Variants in PCDHGA7 observed in about 807,000 individuals in gnomAD.
PCDHGA7 encodes protocadherin gamma subfamily A, 7.
Under a neutral mutation model 58.3 loss-of-function variants are expected in PCDHGA7, and 44 were observed. The ratio of observed to expected loss-of-function variants is 0.75; its 90% confidence interval spans 0.59 to 0.97. PCDHGA7 has a LOEUF of 0.97. Ranked by LOEUF, PCDHGA7 falls within the 50% of genes least tolerant of loss-of-function variation. The pLI is 0.00. For missense variants in PCDHGA7, 1,266 were observed against 1,188.7 expected, an observed-to-expected ratio of 1.06 and a Z score of -0.96; for synonymous variants, 516 against 504.2, an observed-to-expected ratio of 1.02 and a Z score of -0.31.
At chr5:141,438,591 C>CATATATATATATATATATAT (rs946798767) in intron 1 of PCDHGA7, among the ~76,000 whole-genome samples, 1 of 75,562 alleles carries the variant, frequency 1.3e-5, no homozygotes, top group Non-Finnish European at 2.7e-5. Context: ...TACATACATA[C>CATATATATATATATATATAT]ATATATATAT....
intron 2 of PCDHGA7, among the ~76,000 whole-genome samples, chr5:141,500,399 C>T (rs966328306): frequency 1.3e-5 from 2 of 151,806 alleles, no homozygotes; most frequent in South Asian, 2.1e-4. Context: ...TTAGTAGAGA[C>T]GGGGTTTCAC....
intron 1 of PCDHGA7, chr5:141,392,138 G>C (rs1212519982): frequency 6.6e-6 from 1 of 152,142 alleles, no homozygotes; most frequent in Non-Finnish European, 1.5e-5. Context: ...TGATTAAGTA[G>C]TTTAAACCAA....
intron 1 of PCDHGA7, among the ~76,000 whole-genome samples, chr5:141,463,191 C>T (rs2099054821): frequency 6.6e-6 from 1 of 152,100 alleles, no homozygotes; most frequent in Non-Finnish European, 1.5e-5. Flanking sequence ...TATTATTTAG[C>T]CAAAGACTTG....
chr5:141,413,272 C>T lies in PCDHGA7; in HGVS notation c.2424+27949C>T, dbSNP rs753942667. Reference sequence around the variant, plus strand: ...CGGGATTCCATGGGAGGCTGGAGCCCGGCAGATCTCCTACTCAATTCCTGA... The same window carrying T: ...CGGGATTCCATGGGAGGCTGGAGCCTGGCAGATCTCCTACTCAATTCCTGA... On this transcript the variant is annotated intron_variant, in intron 1 of 3. Coordinates refer to ENST00000518325, the MANE Select transcript of PCDHGA7 (RefSeq NM_018920.4). 8.1e-6 allele frequency: 13 copies of T among 1,613,944 alleles called. No individual in the cohort carries two copies. In the South Asian group the frequency reaches 1.4e-4, roughly 18 times the overall value.
chr5:141,399,093 A>C, intron 1 of PCDHGA7: 1 of 1,613,820 alleles, frequency 6.2e-7, no homozygotes. Flanking sequence ...ATGGTGGTGG[A>C]CTGGTTGCAC....
intron 1 of PCDHGA7, chr5:141,392,738 T>C (rs2150490352): frequency 4.2e-6 from 6 of 1,433,676 alleles, no homozygotes; most frequent in Non-Finnish European, 5.5e-6. Flanking sequence ...GTCATCTCCA[T>C]AGCTGCGGCA....
At chr5:141,507,557 C>T (rs959957585) in intron 3 of PCDHGA7, among the ~76,000 whole-genome samples, 5 of 152,250 alleles carry the variant, frequency 3.3e-5, no homozygotes, top group Middle Eastern at 3.4e-3. Flanking sequence ...AAGTGGCAGG[C>T]GGCTGGGTCT....
At chr5:141,506,444 CAAAAAAAA>C (rs1219684339) in intron 3 of PCDHGA7, among the ~76,000 whole-genome samples, 24 of 95,024 alleles carry the variant, frequency 2.5e-4, no homozygotes, top group African/African-American at 9.5e-4. Flanking sequence ...CGCTCTGTCT[CAAAAAAAA>C]AAAAAAAAAA....
rs1246750536 is a variant in PCDHGA7 at position 141,386,428 on chromosome 5, C to T, written c.2424+1105C>T. On this transcript the variant is annotated intron_variant, in intron 1 of 3. Coordinates refer to ENST00000518325, the MANE Select transcript of PCDHGA7 (RefSeq NM_018920.4). ...TATGGTGTTGCAAGCTGTAGCCCAC[C>T]TGCATGGGAGGCTGAGGCAAGAGGA... Among the ~76,000 whole-genome samples the T allele has an allele frequency of 3.3e-5, 5 of 152,036 alleles. No individual in the cohort carries two copies. In the South Asian group the frequency reaches 6.2e-4, roughly 19 times the overall value.
At chr5:141,505,505 G>A (rs2099846270) in intron 3 of PCDHGA7, 24 bp downstream of exon 3, 1 of 1,614,132 alleles carries the variant, frequency 6.2e-7, no homozygotes, top group Non-Finnish European at 8.5e-7. Flanking sequence ...GTGTGTGTAT[G>A]GAAGAGTGGG....
rs371690754 is a variant in PCDHGA7 at position 141,388,891 on chromosome 5, T to C, written c.2424+3568T>C. 1.9e-5 allele frequency: 31 copies of C among 1,613,872 alleles called. No individual in the cohort carries two copies. Among genetic ancestry groups the C allele is most frequent in the Middle Eastern group, 1.6e-4 (1 of 6,062 alleles). On this transcript the variant is annotated intron_variant, in intron 1 of 3. Coordinates refer to ENST00000518325, the MANE Select transcript of PCDHGA7 (RefSeq NM_018920.4). ...CAATGCACAGTGGAGGTAGAAGTCA[T>C]AGATGAAAATGACAACGCCCCAGAA... is the stretch of plus-strand genomic sequence containing the variant.
Position 141,476,702 on chromosome 5 carries a change from C to CTGG in PCDHGA7, c.2425-18102_2425-18100dup, listed in dbSNP as rs1562056101. On this transcript the variant is annotated intron_variant, in intron 1 of 3. Coordinates refer to ENST00000518325, the MANE Select transcript of PCDHGA7 (RefSeq NM_018920.4). This position sits in a 1 kb window ranked among gnomAD's most constrained non-coding sequence, Gnocchi z 7.6. ...GGAGGACAGCACCAAGTACGCGGAG[C>CTGG]TGGTGTTGGAGCGCGCCCTGGACCG... 5 of 1,614,222 alleles carry CTGG rather than the reference C, an allele frequency of 3.1e-6. No homozygotes were observed. The highest frequency in any genetic ancestry group is 4.2e-6 in the Non-Finnish European group (5 of 1,180,042).
chr5:141,439,354 C>G (rs746525653), intron 1 of PCDHGA7, among the ~76,000 whole-genome samples: 7 of 152,186 alleles, frequency 4.6e-5, no homozygotes, highest in Admixed American at 4.6e-4. Context: ...TACAAATACT[C>G]AAACATCAAG....
In PCDHGA7 at chr5:141,431,775, A is replaced by T; in HGVS notation, c.2424+46452A>T. 6.2e-7 allele frequency: 1 copy of T among 1,614,204 alleles called. No homozygotes were observed. Among genetic ancestry groups the T allele is most frequent in the Non-Finnish European group, 8.5e-7 (1 of 1,180,024 alleles). ...GCCAAAGTCCTGATCACTGTTCTGG[A>T]CGTGAACGACAATGCCCCAGAAGTG... On this transcript the variant is annotated intron_variant, in intron 1 of 3. Transcript: ENST00000518325. This position sits in a 1 kb window ranked among gnomAD's most constrained non-coding sequence, Gnocchi z 4.8.
At chr5:141,401,255 T>C (rs56773894) in intron 1 of PCDHGA7, among the ~76,000 whole-genome samples, 18,026 of 152,078 alleles carry the variant, frequency 0.12, 1,226 homozygotes, top group African/African-American at 0.18. Flanking sequence ...GACAGGAGAA[T>C]TGCTTGAACC....
chr5:141,388,527 T>C, intron 1 of PCDHGA7: 1 of 1,613,866 alleles, frequency 6.2e-7, no homozygotes, highest in Non-Finnish European at 8.5e-7. Flanking sequence ...TTTGACTGCC[T>C]TGGACTTTGG....
Position 141,491,930 on chromosome 5 carries a change from G to A in PCDHGA7, c.2425-2877G>A, listed in dbSNP as rs2099735399. On this transcript the variant is annotated intron_variant, in intron 1 of 3. Transcript: ENST00000518325. The surrounding 1 kb of genome is among the most constrained non-coding windows in gnomAD (Gnocchi z 6.9). ...GTGGCGACTGTGGGCGAGGGGAGGT[G>A]GGACCGACCCCCACCCCTACACTCA... 1.6e-6 allele frequency: 2 copies of A among 1,276,580 alleles called. No homozygotes were observed. The highest frequency in any genetic ancestry group is 2.1e-6 in the Non-Finnish European group (2 of 943,112). 79.1% of individuals were successfully genotyped at this position (1,276,580 alleles called of 1,614,324 possible).
At position 141,476,943 on chromosome 5, in the gene PCDHGA7, A is replaced by G. The variant is rs538990482; in HGVS notation, c.2425-17864A>G. On this transcript the variant is annotated intron_variant, in intron 1 of 3. Coordinates refer to ENST00000518325, the MANE Select transcript of PCDHGA7 (RefSeq NM_018920.4). This position sits in a 1 kb window ranked among gnomAD's most constrained non-coding sequence, Gnocchi z 7.6. ...GCAACGGATCTGGATGAAGGCCCCA[A>G]CGGTGAAATTATTTACTCCTTCGGC... 14 of 1,614,170 alleles carry G rather than the reference A, an allele frequency of 8.7e-6. No individual in the cohort carries two copies. Among genetic ancestry groups the G allele is most frequent in the South Asian group, 1.1e-5 (1 of 91,086 alleles).
chr5:141,384,514 G>A lies in PCDHGA7; in HGVS notation c.1615G>A (p.Asp539Asn). The A allele has an allele frequency of 1.2e-6, 2 of 1,614,194 alleles. No homozygotes were observed. Among genetic ancestry groups the A allele is most frequent in the Non-Finnish European group, 1.7e-6 (2 of 1,180,020 alleles). The stretch of plus-strand genomic sequence containing the variant: ...AAGAGTGACTGCACATGACAGCGGG[G>A]ACCCGCCTCTCAGCAGCAACATGTC... ...QLRVTAHDSG[D>N]PPLSSNMSLS... Residue 539 changes from aspartate to asparagine, a missense_variant, in exon 1 of 4, where the codon GAC becomes AAC. By Grantham distance (23) the Asp-to-Asn change is conservative. Transcript: ENST00000518325.
Sources: allele counts gnomAD v4.1 joint callset (sites outside exome capture counted in the v4.1 genomes callset), GRCh38; gene constraint gnomAD v4.1.1; non-coding constraint Gnocchi (gnomAD v3.1); transcripts MANE v1.5; gene names NCBI Gene and HGNC (gene_info 2026-07-23, HGNC 2026-07-21).